The following PSME3 variants were observed in gnomAD, a reference collection of about 807,000 sequenced individuals.
PSME3 encodes the protein proteasome activator complex subunit 3.
Under a neutral mutation model 38.3 loss-of-function variants are expected in PSME3, and 7 were observed. That is an observed-to-expected ratio of 0.18 (90% CI 0.10 to 0.34). The LOEUF (loss-of-function observed/expected upper bound fraction) is 0.34. Among genes scored for constraint, PSME3 ranks in the 10% least tolerant of loss-of-function variants. The probability of loss-of-function intolerance (pLI) is 1.00; values close to 1 mark genes in which losing one functional copy is unlikely to be tolerated. For missense variants in PSME3, 192 were observed against 307.6 expected (o/e 0.62, Z 2.81); for synonymous variants, 108 against 105.7 (o/e 1.02, Z -0.13).
Position 42,838,153 on chromosome 17 carries a change from T to C in PSME3, c.353T>C (p.Ile118Thr), listed in dbSNP as rs1469801261. ...AAAAGCAACCAGCAGCTGGTGGACA[T>C]TATTGAGAAAGTGAAACCTGAGATC... ...MLKSNQQLVD[I>T]IEKVKPEIRL... The change falls in exon 6 of 11, where the codon ATT (isoleucine) becomes ACT (threonine). Residue 118 changes from isoleucine to threonine, a missense_variant. Physicochemically the swap from Ile to Thr is moderately conservative, Grantham distance 89. This residue lies in a region of PSME3 where 110 missense variants were observed against 139.3 expected (regional missense o/e 0.79). Transcript: ENST00000590720. 1.2e-6 allele frequency: 2 copies of C among 1,614,066 alleles called. No homozygotes were observed. Among genetic ancestry groups the C allele is most frequent in the Non-Finnish European group, 1.7e-6 (2 of 1,180,002 alleles).
At position 42,841,818 on chromosome 17, in the gene PSME3, T is replaced by G; in HGVS notation, c.*240T>G. On this transcript the variant is annotated 3_prime_UTR_variant, in exon 11 of 11. Transcript: ENST00000590720. ...CCCACACCCAACCTGTCGTAATTTCTGGAGAACTCCAGGTTTGTGTGTGCA... is the reference window on the plus strand; with the variant it reads ...CCCACACCCAACCTGTCGTAATTTCGGGAGAACTCCAGGTTTGTGTGTGCA... 1 of 370,318 alleles carries G rather than the reference T, an allele frequency of 2.7e-6. No homozygotes were observed. The highest frequency in any genetic ancestry group is 4.9e-6 in the Non-Finnish European group (1 of 205,814). 22.9% of individuals were successfully genotyped at this position (370,318 alleles called of 1,614,324 possible).
In PSME3 at chr17:42,842,735, A is replaced by G. The variant is rs1231826289; in HGVS notation, c.*1157A>G. The G allele has an allele frequency of 6.5e-6, 1 of 152,798 alleles. No homozygotes were observed. The highest frequency in any genetic ancestry group is 1.5e-5 in the Non-Finnish European group (1 of 68,050). The allele number at this position is 152,798 out of a possible 1,614,324, so 9.5% of individuals were successfully genotyped here. On this transcript the variant is annotated 3_prime_UTR_variant, in exon 11 of 11. Coordinates refer to ENST00000590720, the MANE Select transcript of PSME3 (RefSeq NM_005789.4). ...GCTGGGCAAGTCAAAACTATAGAAGAGTTGCCTCCTGTCTCTCGAATCTTC... is the reference window on the plus strand; with the variant it reads ...GCTGGGCAAGTCAAAACTATAGAAGGGTTGCCTCCTGTCTCTCGAATCTTC...
chr17:42,839,562 T>C (rs990942385), intron 10 of PSME3, among the ~76,000 whole-genome samples, 182 bp downstream of exon 10: 1 of 152,190 alleles, frequency 6.6e-6, no homozygotes, highest in Non-Finnish European at 1.5e-5. Flanking sequence ...CTCTTTTTTC[T>C]ACCTGAGTGG....
At chr17:42,836,971 C>G (rs538765831) in intron 4 of PSME3, among the ~76,000 whole-genome samples, 1 of 152,074 alleles carries the variant, frequency 6.6e-6, no homozygotes, top group Non-Finnish European at 1.5e-5. Flanking sequence ...ACCTCTACCT[C>G]CCAGGTTCAA....
chr17:42,838,305 GT>G, intron 6 of PSME3, 100 bp downstream of exon 6: 2 of 1,495,184 alleles, frequency 1.3e-6, no homozygotes, highest in South Asian at 1.4e-5. Flanking sequence ...GGCAGACTAG[GT>G]TTTTTTGAGT....
intron 7 of PSME3, 32 bp from the exon 8 acceptor site, chr17:42,838,913 C>T: frequency 1.2e-6 from 2 of 1,613,308 alleles, no homozygotes; most frequent in South Asian, 2.2e-5. Flanking sequence ...ATGGAAGTGG[C>T]TTTTGATGCA....
At chr17:42,834,088 A>G (rs2055432259) in intron 1 of PSME3, 1 of 1,447,922 alleles carries the variant, frequency 6.9e-7, no homozygotes, top group African/African-American at 1.4e-5. Flanking sequence ...TGCTTATCAA[A>G]TTCAGACAGC....
Position 42,837,652 on chromosome 17 carries a change from A to G in PSME3, c.247A>G (p.Thr83Ala), listed in dbSNP as rs751349314. ...CCCTGCCTCTTTGTATCCTTAGCCC[A>G]CTTATAAGAAGCGAAGGTTGGATGA... ...TNSHDGLDGPTYKKRRLDECE... is the reference protein window; with the variant it reads ...TNSHDGLDGPAYKKRRLDECE... Residue 83 changes from threonine to alanine, a missense_variant, in exon 5 of 11, where the codon ACT (threonine) becomes GCT (alanine). Physicochemically the swap from Thr to Ala is moderately conservative, Grantham distance 58. Around this residue, in one of 2 missense-constraint regions of PSME3, gnomAD observed 110 missense variants for 139.3 expected, o/e 0.79. Coordinates refer to ENST00000590720, the MANE Select transcript of PSME3 (RefSeq NM_005789.4). 6.2e-7 allele frequency: 1 copy of G among 1,614,104 alleles called. No individual in the cohort carries two copies. Among genetic ancestry groups the G allele is most frequent in the Non-Finnish European group, 8.5e-7 (1 of 1,180,010 alleles).
At position 42,834,559 on chromosome 17, in the gene PSME3, A is replaced by G. The variant is rs2055439242; in HGVS notation, c.120A>G (p.Glu40=). ...VANFFPKKLL[E]LDSFLKEPIL... is the part of the protein sequence containing the mutation. Reference sequence around the variant, plus strand: ...ATTTTTTCCCAAAGAAGTTATTAGAACTTGATAGTTTTCTGAAGGTGAGAG... The same window carrying G: ...ATTTTTTCCCAAAGAAGTTATTAGAGCTTGATAGTTTTCTGAAGGTGAGAG... The change falls in exon 3 of 11, where the codon GAA becomes GAG. Residue 40 remains glutamate (E), a synonymous_variant. Coordinates refer to ENST00000590720, the MANE Select transcript of PSME3 (RefSeq NM_005789.4). The G allele has an allele frequency of 6.2e-7, 1 of 1,613,812 alleles. No homozygotes were observed. The highest frequency in any genetic ancestry group is 1.3e-5 in the African/African-American group (1 of 74,858).
chr17:42,835,764 G>C (rs1449005400), intron 4 of PSME3, among the ~76,000 whole-genome samples: 1 of 152,036 alleles, frequency 6.6e-6, no homozygotes, highest in South Asian at 2.1e-4. Flanking sequence ...AGGTTACCTG[G>C]TTTTTCCCAT....
intron 10 of PSME3, among the ~76,000 whole-genome samples, chr17:42,841,125 C>T (rs147111169): frequency 0.02 from 2,787 of 140,714 alleles, 92 homozygotes; most frequent in African/African-American, 0.071. Context: ...AGAGCAAGAC[C>T]GTGTCTCAAA....
Position 42,833,482 on chromosome 17 carries a change from A to G in PSME3, c.-150A>G. 1.1e-6 allele frequency: 1 copy of G among 933,080 alleles called. No individual in the cohort carries two copies. The allele number at this position is 933,080 out of a possible 1,614,324, so 57.8% of individuals were successfully genotyped here. The stretch of plus-strand genomic sequence containing the variant: ...GGCTGCCGGCGGGCGGGCGGACGGC[A>G]CAGAGGGAGGGAGCGAGCGAGCAGT... On this transcript the variant is annotated 5_prime_UTR_variant, in exon 1 of 11. Coordinates refer to ENST00000590720, the MANE Select transcript of PSME3 (RefSeq NM_005789.4).
chr17:42,841,413 TG>T, intron 10 of PSME3, 84 bp from the exon 11 acceptor site: 1 of 735,314 alleles, frequency 1.4e-6, no homozygotes. Flanking sequence ...GATGATTGCT[TG>T]GGGATTTGTG....
At chr17:42,839,729 G>T (rs776413961) in intron 10 of PSME3, among the ~76,000 whole-genome samples, 28 of 152,218 alleles carry the variant, frequency 1.8e-4, no homozygotes, top group Non-Finnish European at 4.0e-4. Context: ...GGGCGCAGTG[G>T]CTAATGCCTG....
chr17:42,836,950 G>T (rs1257575563), intron 4 of PSME3, among the ~76,000 whole-genome samples: 2 of 150,002 alleles, frequency 1.3e-5, no homozygotes, highest in Non-Finnish European at 1.5e-5. Flanking sequence ...GCACAATCTC[G>T]GCTCACTGCA....
intron 10 of PSME3, among the ~76,000 whole-genome samples, chr17:42,839,996 CA>C (rs1409768408): frequency 0.011 from 1,414 of 132,300 alleles, 28 homozygotes; most frequent in African/African-American, 0.038. Context: ...AACTCCATCT[CA>C]AAAAAAAAAT....
rs769175093 is a variant in PSME3, at chr17:42,841,554, C to T, written c.741C>T (p.Ser247=). 6.2e-7 allele frequency: 1 copy of T among 1,609,078 alleles called. No homozygotes were observed. Among genetic ancestry groups the T allele is most frequent in the Admixed American group, 1.7e-5 (1 of 59,418 alleles). ...KNIEKIKRPR[S]SNAETLY ...TCGAGAAGATCAAACGGCCCCGGAG[C>T]AGCAATGCAGAGACTCTGTACTGAG... Residue 247 remains serine (S), a synonymous_variant, in exon 11 of 11, where the codon AGC becomes AGT. Transcript: ENST00000590720.
chr17:42,834,724 CT>C (rs1408379252), intron 3 of PSME3, 47 bp from the exon 4 acceptor site: 1 of 1,610,322 alleles, frequency 6.2e-7, no homozygotes, highest in African/African-American at 1.3e-5. Flanking sequence ...TCAAATACTT[CT>C]TTGTTCAGCT....
Position 42,833,622 on chromosome 17 carries a change from C to T in PSME3, c.-10C>T, listed in dbSNP as rs1368212942. ...GGTGTCCAGAGGATCGGACACGGCC[C>T]GGCCCGGCCATGGCCTCGTTGCTGA... On this transcript the variant is annotated 5_prime_UTR_variant, in exon 1 of 11. Transcript: ENST00000590720. 3 of 1,614,106 alleles carry T rather than the reference C, an allele frequency of 1.9e-6. No homozygotes were observed. Among genetic ancestry groups the T allele is most frequent in the African/African-American group, 1.3e-5 (1 of 74,956 alleles).
Sources: gnomAD v4.1 joint callset for allele counts (sites outside exome capture counted in the v4.1 genomes callset) on GRCh38, gnomAD v4.1.1 for gene constraint, gnomAD v4.1.1 regional missense constraint, MANE v1.5 for transcripts, NCBI Gene and HGNC (gene_info 2026-07-23, HGNC 2026-07-21) for gene names.